MINPP1: variants seen among roughly 807,000 people sequenced by gnomAD.
MINPP1 encodes multiple inositol polyphosphate phosphatase 1.
In MINPP1, 28 loss-of-function variants were observed where a neutral mutation model predicts 46.1. That is an observed-to-expected ratio of 0.61 (90% CI 0.45 to 0.83). The LOEUF is 0.83. Ranked by LOEUF, MINPP1 falls within the 40% of genes least tolerant of loss-of-function variation. The pLI is 0.00. For synonymous variants in MINPP1, 268 were observed against 249.1 expected, an observed-to-expected ratio of 1.08 and a Z score of -0.72; for missense variants, 603 against 610.0, an observed-to-expected ratio of 0.99 and a Z score of 0.12.
intron 4 of MINPP1, among the ~76,000 whole-genome samples, chr10:87,541,666 C>T (rs1165674735): frequency 2.6e-5 from 4 of 152,148 alleles, no homozygotes; most frequent in African/African-American, 9.7e-5. Flanking sequence ...ATGGCTCCAG[C>T]ATCTGCTTCT....
At position 87,505,145 on chromosome 10, in the gene MINPP1, C is replaced by G; in HGVS notation, c.230C>G (p.Thr77Ser). The part of the protein sequence containing the change: ...PWRDPELLEG[T>S]CTPVQLVALI... ...CGGGACCCTGAGCTGCTGGAGGGGA[C>G]CTGCACCCCGGTGCAGCTGGTCGCC... The change falls in exon 1 of 5, where the codon ACC (threonine) becomes AGC (serine). Residue 77 changes from threonine to serine, a missense_variant. Thr to Ser is a moderately conservative substitution (Grantham distance 58). Coordinates refer to ENST00000371996, the MANE Select transcript of MINPP1 (RefSeq NM_004897.5). This position sits in a 1 kb window ranked among gnomAD's most constrained non-coding sequence, Gnocchi z 4.4. 1 of 1,611,438 alleles carries G rather than the reference C, an allele frequency of 6.2e-7. No homozygotes were observed. Among genetic ancestry groups the G allele is most frequent in the Non-Finnish European group, 8.5e-7 (1 of 1,179,070 alleles).
intron 4 of MINPP1, among the ~76,000 whole-genome samples, chr10:87,533,807 G>A (rs191985745): frequency 2.0e-5 from 3 of 151,864 alleles, no homozygotes; most frequent in East Asian, 1.9e-4. Context: ...ATATTTTAAC[G>A]TAAGATGGCA....
At chr10:87,539,041 A>G (rs2131834768) in intron 4 of MINPP1, among the ~76,000 whole-genome samples, 1 of 152,322 alleles carries the variant, frequency 6.6e-6, no homozygotes, top group East Asian at 1.9e-4. Context: ...GGTTGAAGAC[A>G]TAATAAAATC....
intron 4 of MINPP1, among the ~76,000 whole-genome samples, chr10:87,548,192 A>G (rs1851914562): frequency 6.6e-6 from 1 of 152,198 alleles, no homozygotes; most frequent in Non-Finnish European, 1.5e-5. Context: ...CCACCTCCTC[A>G]GCAAAGCGCA....
rs1026829699 is a variant in MINPP1, at chr10:87,552,911, A to T, written c.*433A>T. 1.8e-5 allele frequency: 3 copies of T among 164,462 alleles called. No homozygotes were observed. Among genetic ancestry groups the T allele is most frequent in the African/African-American group, 7.2e-5 (3 of 41,584 alleles). 10.2% of individuals were successfully genotyped at this position (164,462 alleles called of 1,614,324 possible). A position where few individuals can be genotyped will look rare whatever the true frequency, so the allele number is the denominator to read the frequency against. ...CTCTCTTCTTTTCCTCAGGTAGGAC[A>T]GCTCTAGCATTTTCTTAATCAGGAA... On this transcript the variant is annotated 3_prime_UTR_variant, in exon 5 of 5. Coordinates refer to ENST00000371996, the MANE Select transcript of MINPP1 (RefSeq NM_004897.5).
At chr10:87,534,042 ATTTTTTTTT>A (rs58579107) in intron 4 of MINPP1, among the ~76,000 whole-genome samples, 6 of 55,414 alleles carry the variant, frequency 1.1e-4, no homozygotes, top group African/African-American at 2.9e-4. Context: ...CTGGCTAAAT[ATTTTTTTTT>A]TTTTTTTTTT....
At chr10:87,531,354 G>A (rs1372495572) in intron 4 of MINPP1, among the ~76,000 whole-genome samples, 1 of 152,150 alleles carries the variant, frequency 6.6e-6, no homozygotes, top group Admixed American at 6.5e-5. Flanking sequence ...CTTATAATTT[G>A]CTTATCTCAC....
At chr10:87,544,651 A>G (rs1356796192) in intron 4 of MINPP1, among the ~76,000 whole-genome samples, 1 of 152,164 alleles carries the variant, frequency 6.6e-6, no homozygotes, top group Non-Finnish European at 1.5e-5. Context: ...ACAAAGACCA[A>G]ATATATATTA....
chr10:87,536,639 T>C (rs1056189874), intron 4 of MINPP1, among the ~76,000 whole-genome samples: 1 of 152,202 alleles, frequency 6.6e-6, no homozygotes, highest in Admixed American at 6.5e-5. Flanking sequence ...TAGGATTTTA[T>C]ATAATGGAAT....
chr10:87,544,862 G>A, intron 4 of MINPP1, among the ~76,000 whole-genome samples: 1 of 151,986 alleles, frequency 6.6e-6, no homozygotes, highest in East Asian at 1.9e-4. Context: ...AAACAAAATA[G>A]CAAAGAAAAA....
Position 87,505,270 on chromosome 10 carries a change from GC to G in MINPP1, c.356del (p.Ala119ValfsTer28). The G allele has an allele frequency of 6.2e-7, 1 of 1,611,622 alleles. No individual in the cohort carries two copies. ...LQARGSRDGG[A>X]SSTGSRDLGA... ...GGCCCGCGGGTCCAGGGATGGCGGG[GC>G]TAGTAGTACCGGCAGCCGCGACCTG... is the stretch of plus-strand genomic sequence containing the variant. On this transcript the variant is annotated frameshift_variant, in exon 1 of 5. Transcript: ENST00000371996. LOFTEE classifies it high-confidence loss of function. This position sits in a 1 kb window ranked among gnomAD's most constrained non-coding sequence, Gnocchi z 4.4.
At chr10:87,526,188 C>T (rs1037305196) in intron 4 of MINPP1, among the ~76,000 whole-genome samples, 8 of 151,746 alleles carry the variant, frequency 5.3e-5, no homozygotes, top group African/African-American at 1.9e-4. Flanking sequence ...TAAAAGTGTT[C>T]TCACATCCTC....
chr10:87,507,948 T>G (rs927918641), intron 1 of MINPP1: 118 of 1,314,912 alleles, frequency 9.0e-5, no homozygotes, highest in Non-Finnish European at 1.1e-4. Context: ...TGGCTTAGAG[T>G]GAAAAAATAG....
chr10:87,506,097 T>C (rs1851245789), intron 1 of MINPP1, among the ~76,000 whole-genome samples: 1 of 151,978 alleles, frequency 6.6e-6, no homozygotes, highest in Admixed American at 6.6e-5. Context: ...GAACCTGATC[T>C]CAAGCCTTTG....
In MINPP1 at chr10:87,552,356, T is replaced by C; in HGVS notation, c.1342T>C (p.Ser448Pro). The change falls in exon 5 of 5, where the codon TCA becomes CCA. Residue 448 changes from serine (S) to proline (P), a missense_variant. This residue lies in a region of MINPP1 where 344 missense variants were observed against 381.1 expected (regional missense o/e 0.90). Coordinates refer to ENST00000371996, the MANE Select transcript of MINPP1 (RefSeq NM_004897.5). ...TGAAAAGGTGTTACCTTTGGCTTAC[T>C]CACAAGAAACTGTTTCATTTTATGA... is the stretch of plus-strand genomic sequence containing the variant. ...LNEKVLPLAY[S>P]QETVSFYEDL... 6.2e-7 allele frequency: 1 copy of C among 1,613,736 alleles called. No individual in the cohort carries two copies. Among genetic ancestry groups the C allele is most frequent in the Non-Finnish European group, 8.5e-7 (1 of 1,179,782 alleles).
At chr10:87,535,718 A>G (rs1248766927) in intron 4 of MINPP1, among the ~76,000 whole-genome samples, 5 of 151,982 alleles carry the variant, frequency 3.3e-5, no homozygotes, top group South Asian at 2.1e-4. Flanking sequence ...GCTTGAGCCC[A>G]GGAGTTTGAG....
In MINPP1 at chr10:87,534,825, G is replaced by C. The variant is rs545434814; in HGVS notation, c.1067+13656G>C. 7.9e-5 allele frequency among the ~76,000 whole-genome samples: 12 copies of C among 152,328 alleles called. No individual in the cohort carries two copies. The East Asian group carries it at 2.1e-3, about 27-fold the overall frequency. ...ATATGCTAGTTGAATCTGGATAACT[G>C]TGTCAGAGATTCTATGGAAGAAATG... On this transcript the variant is annotated intron_variant, in intron 4 of 4. Transcript: ENST00000371996.
At chr10:87,528,056 C>G (rs572431786) in intron 4 of MINPP1, among the ~76,000 whole-genome samples, 1 of 151,974 alleles carries the variant, frequency 6.6e-6, no homozygotes, top group East Asian at 1.9e-4. Flanking sequence ...GGTGATATCC[C>G]CTTTATCATT....
chr10:87,541,292 A>G (rs957855831), intron 4 of MINPP1, among the ~76,000 whole-genome samples: 6 of 152,240 alleles, frequency 3.9e-5, no homozygotes, highest in African/African-American at 1.4e-4. Context: ...TTGAGTTTCA[A>G]ACAATGAAGT....
Sources: gnomAD v4.1 joint callset for allele counts (sites outside exome capture counted in the v4.1 genomes callset) on GRCh38, gnomAD v4.1.1 for gene constraint, gnomAD v4.1.1 regional missense constraint, Gnocchi (gnomAD v3.1) non-coding constraint, MANE v1.5 for transcripts, NCBI Gene and HGNC (gene_info 2026-07-23, HGNC 2026-07-21) for gene names.